The following TLN2 variants were observed in gnomAD, a reference collection of about 807,000 sequenced individuals.
TLN2 encodes talin-2.
A neutral mutation model predicts 294.7 loss-of-function variants in TLN2; 118 were observed. The observed-to-expected ratio is 0.40, with a 90% CI of 0.34 to 0.47. The LOEUF (loss-of-function observed/expected upper bound fraction) is 0.47, where lower values mean the gene tolerates loss of function less well. Ranked by LOEUF, TLN2 falls within the 20% of genes least tolerant of loss-of-function variation. The pLI, the probability that TLN2 is intolerant of heterozygous loss-of-function variation, is 0.84. For synonymous variants in TLN2, 1,431 were observed against 1,304.5 expected, an observed-to-expected ratio of 1.10 and a Z score of -2.09; for missense variants, 3,083 against 3,282.2, an observed-to-expected ratio of 0.94 and a Z score of 1.48.
intron 2 of TLN2, among the ~76,000 whole-genome samples, chr15:62,595,834 A>T (rs950143142): frequency 6.6e-6 from 1 of 152,218 alleles, no homozygotes; most frequent in African/African-American, 2.4e-5. Context: ...TCTTAATTAC[A>T]TGTGGAATCT....
At chr15:62,748,483 G>A in intron 33 of TLN2, 39 bp downstream of exon 33, 1 of 1,476,052 alleles carries the variant, frequency 6.8e-7, no homozygotes, top group Non-Finnish European at 9.5e-7. Context: ...TTGAGAGAGG[G>A]AGTGTCTGTG....
intron 25 of TLN2, 111 bp from the exon 26 acceptor site, chr15:62,722,242 T>G: frequency 7.8e-7 from 1 of 1,281,508 alleles, no homozygotes; most frequent in Non-Finnish European, 1.0e-6. Flanking sequence ...ATATTCCTTT[T>G]TTTTAGGACA....
At chr15:62,678,719 T>C (rs887193025) in intron 11 of TLN2, among the ~76,000 whole-genome samples, 1 of 152,186 alleles carries the variant, frequency 6.6e-6, no homozygotes, top group Non-Finnish European at 1.5e-5. Flanking sequence ...TAATCTCAGC[T>C]ACTTGGGTGG....
At chr15:62,717,710 G>C in intron 24 of TLN2, 21 bp downstream of exon 24, 1 of 1,521,786 alleles carries the variant, frequency 6.6e-7, no homozygotes, top group South Asian at 1.3e-5. Context: ...AGTGCACAGA[G>C]AGCCAGGTCA....
intron 1 of TLN2, among the ~76,000 whole-genome samples, chr15:62,588,106 T>C (rs987657396): frequency 3.9e-5 from 6 of 152,070 alleles, no homozygotes; most frequent in Non-Finnish European, 7.4e-5. Flanking sequence ...GGTCTCGATA[T>C]CCTGACCTCG....
intron 54 of TLN2, among the ~76,000 whole-genome samples, chr15:62,826,690 A>C (rs988951448): frequency 5.4e-5 from 8 of 148,214 alleles, no homozygotes; most frequent in Admixed American, 4.1e-4. Flanking sequence ...CCAGAAGCAA[A>C]CTAGTAGCAG....
chr15:62,408,952 G>A lies in TLN2; in HGVS notation c.-238+18267G>A, dbSNP rs540320532. 3.4e-4 allele frequency among the ~76,000 whole-genome samples: 52 copies of A among 151,892 alleles called. 1 individual carries two copies. The South Asian group carries it at 5.0e-3, about 15-fold the overall frequency. Reference sequence around the variant, plus strand: ...TGGGATTACAGGTGACAGCCAGCATGCCTGGCCCTTATTTTTACTTATTTA... The same window carrying A: ...TGGGATTACAGGTGACAGCCAGCATACCTGGCCCTTATTTTTACTTATTTA... On this transcript the variant is annotated intron_variant, in intron 1 of 58. Coordinates refer to ENST00000636159, the MANE Select transcript of TLN2 (RefSeq NM_015059.3).
chr15:62,777,670 A>G (rs1445136249), intron 43 of TLN2, among the ~76,000 whole-genome samples: 1 of 152,204 alleles, frequency 6.6e-6, no homozygotes, highest in Non-Finnish European at 1.5e-5. Context: ...ACTCTTTTTA[A>G]TTGCTCCTTG....
At chr15:62,503,091 A>G (rs914668255) in intron 1 of TLN2, among the ~76,000 whole-genome samples, 19 of 149,632 alleles carry the variant, frequency 1.3e-4, no homozygotes, top group Non-Finnish European at 2.7e-4. Flanking sequence ...TTGTGTGGCC[A>G]GATTGCAGAC....
intron 1 of TLN2, among the ~76,000 whole-genome samples, chr15:62,509,158 A>G (rs371838251): frequency 6.6e-6 from 1 of 152,178 alleles, no homozygotes; most frequent in Non-Finnish European, 1.5e-5. Context: ...CCATTACCCT[A>G]TGCTTCCTGT....
Position 62,451,754 on chromosome 15 carries a change from C to A in TLN2, c.-238+61069C>A, listed in dbSNP as rs141113510. 2.6e-3 allele frequency among the ~76,000 whole-genome samples: 400 copies of A among 152,334 alleles called. 5 individuals are homozygous for A. Among genetic ancestry groups the A allele is most frequent in the South Asian group, 0.012 (60 of 4,830 alleles). ...AGCCTTTGCTGCTGTCCTCAAGTAG[C>A]TTTTGGGCCTTGCAGAGGTCCATGG... On this transcript the variant is annotated intron_variant, in intron 1 of 58. Transcript: ENST00000636159.
At chr15:62,659,003 A>C (rs1327271196) in intron 9 of TLN2, among the ~76,000 whole-genome samples, 1 of 152,222 alleles carries the variant, frequency 6.6e-6, no homozygotes, top group East Asian at 1.9e-4. Flanking sequence ...ATTTTAAAAA[A>C]TGGAAATAAA....
rs80126577 is a variant in TLN2, at chr15:62,734,797, G to A, written c.3359-2081G>A. Among the ~76,000 whole-genome samples, 1,062 of 152,338 alleles carry A rather than the reference G, an allele frequency of 7.0e-3. 6 individuals carry two copies. Among genetic ancestry groups the A allele is most frequent in the Non-Finnish European group, 0.01 (702 of 68,028 alleles). On this transcript the variant is annotated intron_variant, in intron 28 of 58. Coordinates refer to ENST00000636159, the MANE Select transcript of TLN2 (RefSeq NM_015059.3). ...TAAATATTTACATATTAGCAAGTCT[G>A]CAGCACTGCAAACCCATCTGGTTTT...
At chr15:62,687,664 T>C (rs1020500177) in intron 12 of TLN2, among the ~76,000 whole-genome samples, 3 of 152,214 alleles carry the variant, frequency 2.0e-5, no homozygotes, top group Non-Finnish European at 4.4e-5. Context: ...TAGTGAATGC[T>C]TGAAATATCA....
intron 1 of TLN2, among the ~76,000 whole-genome samples, chr15:62,394,746 C>G (rs2032386944): frequency 6.6e-6 from 1 of 152,142 alleles, no homozygotes; most frequent in Non-Finnish European, 1.5e-5. Flanking sequence ...TAAGGTAGAC[C>G]TCTCTTGTGT....
intron 46 of TLN2, among the ~76,000 whole-genome samples, chr15:62,794,442 C>T (rs2141124556): frequency 6.6e-6 from 1 of 152,304 alleles, no homozygotes; most frequent in South Asian, 2.1e-4. Flanking sequence ...CTGGCACACC[C>T]TTCACAGAGG....
At chr15:62,811,775 G>T (rs2066700037) in intron 52 of TLN2, among the ~76,000 whole-genome samples, 1 of 152,112 alleles carries the variant, frequency 6.6e-6, no homozygotes, top group Admixed American at 6.5e-5. Context: ...ACTTTGGGAG[G>T]CTGAGGCTGG....
chr15:62,511,672 C>G (rs1443409399), intron 1 of TLN2, among the ~76,000 whole-genome samples: 1 of 150,474 alleles, frequency 6.6e-6, no homozygotes, highest in Non-Finnish European at 1.5e-5. Flanking sequence ...CGGTATGCTT[C>G]ATGGAGTTCA....
intron 1 of TLN2, among the ~76,000 whole-genome samples, chr15:62,460,257 A>G (rs1335161133): frequency 6.9e-6 from 1 of 145,114 alleles, no homozygotes; most frequent in African/African-American, 2.6e-5. Flanking sequence ...AAGTAGCCAC[A>G]TGGTTTTTTT....
Sources: gnomAD v4.1 joint callset for allele counts (sites outside exome capture counted in the v4.1 genomes callset) on GRCh38, gnomAD v4.1.1 for gene constraint, MANE v1.5 for transcripts, NCBI Gene and HGNC (gene_info 2026-07-23, HGNC 2026-07-21) for gene names.